The following KTN1 variants were observed in gnomAD, a reference collection of about 807,000 sequenced individuals.
KTN1 encodes the protein kinectin.
A neutral mutation model predicts 222.5 loss-of-function variants in KTN1; 130 were observed. The observed-to-expected ratio is 0.58, with a 90% CI of 0.51 to 0.68. The LOEUF (loss-of-function observed/expected upper bound fraction) is 0.68, where lower values mean the gene tolerates loss of function less well. KTN1 is among the 30% of genes least tolerant of loss of function. The pLI, the probability that KTN1 is intolerant of heterozygous loss-of-function variation, is 0.00. For missense variants in KTN1, 1,508 were observed against 1,500.4 expected, an observed-to-expected ratio of 1.01 and a Z score of -0.08; for synonymous variants, 512 against 496.3, an observed-to-expected ratio of 1.03 and a Z score of -0.42.
chr14:55,643,447 G>A (rs767148002), intron 18 of KTN1, among the ~76,000 whole-genome samples: 1 of 152,144 alleles, frequency 6.6e-6, no homozygotes, highest in Non-Finnish European at 1.5e-5. Context: ...ATAGATTTTT[G>A]TGTGTGTGTT....
At chr14:55,633,890 G>A (rs1171714850) in intron 8 of KTN1, among the ~76,000 whole-genome samples, 2 of 152,108 alleles carry the variant, frequency 1.3e-5, no homozygotes, top group African/African-American at 2.4e-5. Context: ...TGTAATCCTG[G>A]CACTTTGGGA....
chr14:55,646,513 TCC>T (rs2042363654), intron 18 of KTN1, among the ~76,000 whole-genome samples: 1 of 126,068 alleles, frequency 7.9e-6, no homozygotes. Context: ...TCCTTTCCTT[TCC>T]TTTCCTTTCC....
intron 7 of KTN1, among the ~76,000 whole-genome samples, chr14:55,631,341 G>GATTGATATATATATATATAT (rs1555371423): frequency 3.8e-4 from 44 of 114,706 alleles, no homozygotes; most frequent in East Asian, 1.5e-3. Context: ...TGATAAGGTT[G>GATTGATATATATATATATAT]ATATATATAT....
In KTN1 at chr14:55,680,550, C is replaced by T. The variant is rs905060921; in HGVS notation, c.4069+865C>T. On this transcript the variant is annotated intron_variant, in intron 43 of 43. Transcript: ENST00000395314. ...CTGGAGACCCTGAGGGGCAACTCAT[C>T]ACTGAATTATCCCTTTCAGAACCCC... is the stretch of plus-strand genomic sequence containing the variant. The T allele has an allele frequency of 5.4e-5, 28 of 522,798 alleles. No individual in the cohort carries two copies. In the Admixed American group the frequency reaches 5.7e-4, roughly 11 times the overall value. 32.4% of individuals were successfully genotyped at this position (522,798 alleles called of 1,614,324 possible).
chr14:55,637,906 T>A, intron 12 of KTN1, 59 bp downstream of exon 12: 6 of 1,277,110 alleles, frequency 4.7e-6, no homozygotes, highest in Non-Finnish European at 5.6e-6. Flanking sequence ...AACACTCACC[T>A]GAATGTCTGT....
At chr14:55,610,151 G>T (rs747705974) in intron 1 of KTN1, among the ~76,000 whole-genome samples, 13 of 152,126 alleles carry the variant, frequency 8.5e-5, no homozygotes, top group Non-Finnish European at 1.9e-4. Flanking sequence ...TGTTACTTCA[G>T]TCATATAGAT....
chr14:55,616,939 A>G (rs534972700), intron 3 of KTN1, among the ~76,000 whole-genome samples: 32 of 152,336 alleles, frequency 2.1e-4, no homozygotes, highest in Non-Finnish European at 3.8e-4. Flanking sequence ...TAGCATACAG[A>G]CCATAGAAGA....
intron 43 of KTN1, chr14:55,680,683 T>G (rs367794220): frequency 7.3e-7 from 1 of 1,365,704 alleles, no homozygotes; most frequent in South Asian, 1.1e-5. Flanking sequence ...TGTCTCACTT[T>G]AGAGTGATCA....
intron 6 of KTN1, among the ~76,000 whole-genome samples, chr14:55,629,457 A>ATGATAAAAG (rs1411913603): frequency 2.0e-5 from 3 of 150,080 alleles, no homozygotes; most frequent in African/African-American, 7.3e-5. Flanking sequence ...ACTTAGGAAG[A>ATGATAAAAG]TGATAAAACT....
rs138285981 is a variant in KTN1 at position 55,612,359 on chromosome 14, T to C, written c.311T>C (p.Val104Ala). 1.9e-6 allele frequency: 3 copies of C among 1,614,000 alleles called. No homozygotes were observed. The highest frequency in any genetic ancestry group is 2.5e-6 in the Non-Finnish European group (3 of 1,179,978). The change falls in exon 2 of 44, where the codon GTC (valine) becomes GCC (alanine). Residue 104 changes from valine (V) to alanine (A), a missense_variant. By Grantham distance (64) the Val-to-Ala change is moderately conservative. Transcript: ENST00000395314. ...CAAGTTGCACCTGTTCCATTGAATGTCGTTGAAACTTCAAGTAGTGTTAGG... is the reference window on the plus strand; with the variant it reads ...CAAGTTGCACCTGTTCCATTGAATGCCGTTGAAACTTCAAGTAGTGTTAGG... Reference protein sequence around the residue: ...DDQVAPVPLNVVETSSSVRER... With the variant: ...DDQVAPVPLNAVETSSSVRER...
At chr14:55,631,366 A>ATATATATG (rs1166499462) in intron 7 of KTN1, among the ~76,000 whole-genome samples, 8 of 145,956 alleles carry the variant, frequency 5.5e-5, no homozygotes, top group South Asian at 2.1e-4. Context: ...ATATATATAT[A>ATATATATG]TATGTATTTT....
At chr14:55,583,486 C>T (rs761943331) in intron 1 of KTN1, among the ~76,000 whole-genome samples, 17 of 152,078 alleles carry the variant, frequency 1.1e-4, no homozygotes, top group Non-Finnish European at 2.1e-4. Flanking sequence ...AGAACTCTTC[C>T]GTAACTTAAA....
chr14:55,641,261 T>C (rs766551861), intron 17 of KTN1, 53 bp downstream of exon 17: 14 of 998,280 alleles, frequency 1.4e-5, no homozygotes, highest in Non-Finnish European at 2.1e-5. Flanking sequence ...TTGTATACTT[T>C]TCAGTTGAGT....
In KTN1 at chr14:55,670,632, A is replaced by G. The variant is rs527261187; in HGVS notation, c.3268-97A>G. On this transcript the variant is annotated intron_variant, in intron 34 of 43. Coordinates refer to ENST00000395314, the MANE Select transcript of KTN1 (RefSeq NM_001079521.2). ...CTGTTTGTCTGTGTAGGTTTCTTTT[A>G]TAATTATCTAATTTGGTTATTTTAA... The G allele has an allele frequency of 8.9e-4, 704 of 787,542 alleles. 3 individuals are homozygous for G. In the African/African-American group the frequency reaches 0.011, roughly 13 times the overall value. The allele number at this position is 787,542 out of a possible 1,614,324, so 48.8% of individuals were successfully genotyped here.
chr14:55,642,369 A>C (rs1196626966), intron 18 of KTN1, among the ~76,000 whole-genome samples: 1 of 152,172 alleles, frequency 6.6e-6, no homozygotes, highest in Non-Finnish European at 1.5e-5. Context: ...TATTCATTTT[A>C]TATTTATAGC....
At chr14:55,648,669 GA>G in intron 20 of KTN1, 132 bp from the exon 21 acceptor site, 1 of 678,000 alleles carries the variant, frequency 1.5e-6, no homozygotes, top group Non-Finnish European at 2.6e-6. Flanking sequence ...TATAGACATG[GA>G]AAAAAGTGAG....
intron 32 of KTN1, 69 bp downstream of exon 32, chr14:55,661,681 T>A (rs1304647345): frequency 1.3e-6 from 1 of 764,322 alleles, no homozygotes; most frequent in East Asian, 2.7e-5. Context: ...GGTTCAGGAA[T>A]TTTTTTTAAA....
intron 41 of KTN1, among the ~76,000 whole-genome samples, chr14:55,677,786 C>T (rs1011991608): frequency 1.3e-5 from 2 of 152,178 alleles, no homozygotes; most frequent in African/African-American, 4.8e-5. Context: ...GCAACCTCCG[C>T]CTCCCAGGTT....
intron 34 of KTN1, chr14:55,668,347 A>G (rs74940664): frequency 0.06 from 9,173 of 151,956 alleles, 384 homozygotes; most frequent in South Asian, 0.09. Flanking sequence ...TTTCTCAGCA[A>G]CACCCCACCT....
Sources: allele counts gnomAD v4.1 joint callset (sites outside exome capture counted in the v4.1 genomes callset), GRCh38; gene constraint gnomAD v4.1.1; transcripts MANE v1.5; gene names NCBI Gene and HGNC (gene_info 2026-07-23, HGNC 2026-07-21).